The following ITPR2 variants were observed in gnomAD, a reference collection of about 807,000 sequenced individuals.
ITPR2 encodes the protein inositol 1,4,5-trisphosphate-gated calcium channel ITPR2.
A neutral mutation model predicts 317.1 loss-of-function variants in ITPR2; 207 were observed. The ratio of observed to expected loss-of-function variants is 0.65; its 90% confidence interval spans 0.58 to 0.73. The LOEUF is 0.73. Among genes scored for constraint, ITPR2 ranks in the 30% least tolerant of loss-of-function variants. ITPR2 has a pLI of 0.00. For synonymous variants in ITPR2, 1,156 were observed against 1,149.1 expected, an observed-to-expected ratio of 1.01 and a Z score of -0.12; for missense variants, 2,613 against 3,284.0, an observed-to-expected ratio of 0.80 and a Z score of 4.99.
At chr12:26,725,827 C>G (rs1257604953) in intron 2 of ITPR2, 62 bp from the exon 3 acceptor site, 4 of 1,109,524 alleles carry the variant, frequency 3.6e-6, no homozygotes, top group Non-Finnish European at 5.5e-6. Flanking sequence ...TTAGATTTCC[C>G]TTATAGCTCA....
chr12:26,545,380 G>C (rs915559771), intron 37 of ITPR2, among the ~76,000 whole-genome samples: 5 of 152,080 alleles, frequency 3.3e-5, no homozygotes, highest in African/African-American at 1.2e-4. Flanking sequence ...TTGTGGGAAG[G>C]GGGGCGGGAA....
At chr12:26,725,913 T>C in intron 2 of ITPR2, 148 bp from the exon 3 acceptor site, 1 of 587,882 alleles carries the variant, frequency 1.7e-6, no homozygotes, top group Non-Finnish European at 3.0e-6. Context: ...CAACTCTCCA[T>C]TCACTCTATA....
rs41276666 is a variant in ITPR2 at position 26,657,760 on chromosome 12, A to C, written c.2139T>G (p.Ala713=). 29 of 1,614,050 alleles carry C rather than the reference A, an allele frequency of 1.8e-5. No individual in the cohort carries two copies. The highest frequency in any genetic ancestry group is 5.0e-5 in the Admixed American group (3 of 60,004). ...CTTTGGTGCCTTCTTTTGCCTCTTG[A>C]GCAAGGTGCCTGATAGCTTTGCCAT... is the stretch of plus-strand genomic sequence containing the variant. ...EPHGKAIRHL[A]QEAKEGTKAD... is the part of the protein sequence containing the mutation. Residue 713 remains alanine (A), a synonymous_variant, in exon 18 of 57, where the codon GCT becomes GCG. Coordinates refer to ENST00000381340, the MANE Select transcript of ITPR2 (RefSeq NM_002223.4).
chr12:26,455,142 C>G (rs529078414), intron 45 of ITPR2, among the ~76,000 whole-genome samples: 2 of 151,768 alleles, frequency 1.3e-5, no homozygotes, highest in South Asian at 2.1e-4. Flanking sequence ...ATCTGAAGTG[C>G]GCAAATTAGC....
intron 37 of ITPR2, among the ~76,000 whole-genome samples, chr12:26,508,004 A>G (rs1943236706): frequency 6.6e-6 from 1 of 152,038 alleles, no homozygotes; most frequent in Non-Finnish European, 1.5e-5. Flanking sequence ...GATTCTTGCT[A>G]TCTCCCCTGG....
chr12:26,694,594 G>A (rs889939663), intron 10 of ITPR2, among the ~76,000 whole-genome samples: 1 of 152,092 alleles, frequency 6.6e-6, no homozygotes, highest in African/African-American at 2.4e-5. Context: ...TGGTCTTTGG[G>A]TGGAGGCCAT....
At chr12:26,426,915 A>T (rs938441123) in intron 49 of ITPR2, among the ~76,000 whole-genome samples, 3 of 151,356 alleles carry the variant, frequency 2.0e-5, no homozygotes, top group African/African-American at 7.3e-5. Flanking sequence ...ATTTATTACT[A>T]AATAAATATT....
rs1555165395 is a variant in ITPR2 at position 26,605,126 on chromosome 12, A to AAAAAAAAATATATATATATATATATAT, written c.3463-2421_3463-2420insATATATATATATATATATATTTTTTTT. On this transcript the variant is annotated intron_variant, in intron 26 of 56. Coordinates refer to ENST00000381340, the MANE Select transcript of ITPR2 (RefSeq NM_002223.4). ...ATAAAAATAAAAAATAAAAAATAAA[A>AAAAAAAAATATATATATATATATATAT]ATATATATATATATATGAGAAAGTG... Among the ~76,000 whole-genome samples, 561 of 136,038 alleles carry AAAAAAAAATATATATATATATATATAT rather than the reference A, an allele frequency of 4.1e-3. 11 individuals are homozygous for AAAAAAAAATATATATATATATATATAT. Among genetic ancestry groups the AAAAAAAAATATATATATATATATATAT allele is most frequent in the Non-Finnish European group, 7.4e-3 (459 of 62,050 alleles). 89.2% of individuals were successfully genotyped at this position (136,038 alleles called of 152,430 possible).
rs147127972 is a variant in ITPR2 at position 26,479,444 on chromosome 12, A to G, written c.6123+1687T>C. 8.7e-3 allele frequency among the ~76,000 whole-genome samples: 1,330 copies of G among 152,220 alleles called. 13 individuals carry two copies. The highest frequency in any genetic ancestry group is 0.029 in the African/African-American group (1,193 of 41,544). ...TTCAGTATTTCTGTCCATTAAGTTT[A>G]ATTAATTACAAATGAAATTTAAAGG... On this transcript the variant is annotated intron_variant, in intron 43 of 56. Transcript: ENST00000381340.
chr12:26,639,571 T>G (rs1239969387), intron 21 of ITPR2, among the ~76,000 whole-genome samples: 1 of 151,750 alleles, frequency 6.6e-6, no homozygotes, highest in Admixed American at 6.6e-5. Flanking sequence ...CTGCACCCAG[T>G]AACTCGTCAT....
At chr12:26,678,677 C>T (rs1947966167) in intron 13 of ITPR2, among the ~76,000 whole-genome samples, 1 of 152,136 alleles carries the variant, frequency 6.6e-6, no homozygotes, top group African/African-American at 2.4e-5. Flanking sequence ...AATAATTGTA[C>T]CTTCATATTT....
chr12:26,456,953 C>T (rs868766807), intron 45 of ITPR2, among the ~76,000 whole-genome samples: 71 of 152,152 alleles, frequency 4.7e-4, no homozygotes, highest in African/African-American at 1.4e-3. Context: ...ATTACAGGTG[C>T]GAGCCACCAT....
chr12:26,797,609 T>C (rs962517779), intron 1 of ITPR2, among the ~76,000 whole-genome samples: 3 of 151,192 alleles, frequency 2.0e-5, no homozygotes, highest in Admixed American at 2.0e-4. Flanking sequence ...GCATCCACAA[T>C]TGACATTACT....
At chr12:26,629,515 C>G (rs1179996107) in intron 22 of ITPR2, among the ~76,000 whole-genome samples, 2 of 151,870 alleles carry the variant, frequency 1.3e-5, no homozygotes, top group Non-Finnish European at 2.9e-5. Flanking sequence ...GAACCCACGA[C>G]CTCAAGGCTG....
intron 37 of ITPR2, among the ~76,000 whole-genome samples, chr12:26,524,176 A>G (rs967860963): frequency 5.5e-5 from 7 of 127,272 alleles, no homozygotes; most frequent in Admixed American, 2.2e-4. Flanking sequence ...TCCATTTTTC[A>G]AACGAATAAG....
intron 53 of ITPR2, 87 bp from the exon 54 acceptor site, chr12:26,399,128 G>T: frequency 2.1e-6 from 2 of 966,848 alleles, no homozygotes; most frequent in Non-Finnish European, 2.8e-6. Context: ...ATAAATGTTT[G>T]TGAAATGAAT....
At chr12:26,799,838 T>A (rs914330529) in intron 1 of ITPR2, among the ~76,000 whole-genome samples, 1 of 152,218 alleles carries the variant, frequency 6.6e-6, no homozygotes, top group Non-Finnish European at 1.5e-5. Flanking sequence ...TAAACAGGCA[T>A]CTCTACCAGT....
At chr12:26,417,170 T>C (rs951280524) in intron 50 of ITPR2, among the ~76,000 whole-genome samples, 1 of 152,192 alleles carries the variant, frequency 6.6e-6, no homozygotes, top group African/African-American at 2.4e-5. Flanking sequence ...CGATTTTTGA[T>C]ATCATGTATA....
rs571759577 is a variant in ITPR2 at position 26,403,300 on chromosome 12, A to T, written c.7400-3042T>A. On this transcript the variant is annotated intron_variant, in intron 52 of 56. Coordinates refer to ENST00000381340, the MANE Select transcript of ITPR2 (RefSeq NM_002223.4). ...AAGAAACGCAAGAGGGTACCAGGTC[A>T]TAAGGAGACTCACACATCAAGCTGA... Among the ~76,000 whole-genome samples, 22 of 152,344 alleles carry T rather than the reference A, an allele frequency of 1.4e-4. No homozygotes were observed. The South Asian group carries it at 4.6e-3, about 32-fold the overall frequency.
Sources: gnomAD v4.1 joint callset for allele counts (sites outside exome capture counted in the v4.1 genomes callset) on GRCh38, gnomAD v4.1.1 for gene constraint, MANE v1.5 for transcripts, NCBI Gene and HGNC (gene_info 2026-07-23, HGNC 2026-07-21) for gene names.